The following EIF4A1 variants were observed in gnomAD, a reference collection of about 807,000 sequenced individuals.
EIF4A1 encodes eukaryotic initiation factor 4A-I.
A neutral mutation model predicts 53.5 loss-of-function variants in EIF4A1; 11 were observed. The ratio of observed to expected loss-of-function variants is 0.21; its 90% CI spans 0.13 to 0.34. The LOEUF is 0.34. Ranked by LOEUF, EIF4A1 falls within the 10% of genes least tolerant of loss-of-function variation. The probability of loss-of-function intolerance (pLI) is 1.00; values close to 1 mark genes in which losing one functional copy is unlikely to be tolerated. For missense variants in EIF4A1, 213 were observed against 530.8 expected (o/e 0.40, Z 5.88); for synonymous variants, 237 against 186.7 (o/e 1.27, Z -2.20).
At chr17:7,574,041 A>G (rs1176242739) in intron 1 of EIF4A1, 5 of 578,988 alleles carry the variant, frequency 8.6e-6, no homozygotes, top group Non-Finnish European at 1.5e-5. Context: ...TCACCCCCTT[A>G]TGTCGGGGGT....
intron 4 of EIF4A1, 195 bp from the exon 5 acceptor site, chr17:7,576,329 A>G (rs1263617929): frequency 1.7e-6 from 1 of 582,370 alleles, no homozygotes; most frequent in Non-Finnish European, 2.8e-6. Context: ...CTGAGTTGAA[A>G]TCCTGTCTTT....
intron 4 of EIF4A1, 164 bp downstream of exon 4, chr17:7,575,422 C>T (rs546122718): frequency 1.3e-5 from 14 of 1,058,304 alleles, no homozygotes; most frequent in South Asian, 2.7e-5. Context: ...CTTACCCAAA[C>T]GTAACCATTG....
chr17:7,577,539 C>G lies in EIF4A1; in HGVS notation c.769-30C>G. 5.0e-6 allele frequency: 8 copies of G among 1,612,904 alleles called. No homozygotes were observed. Among genetic ancestry groups the G allele is most frequent in the Non-Finnish European group, 5.9e-6 (7 of 1,179,230 alleles). ...TGGTAGTGAGTTGTTGGGTATAGCC[C>G]CTGACTGATTTTTGTCCCCCAACCT... On this transcript the variant is annotated intron_variant, in intron 7 of 10. Transcript: ENST00000293831. This position sits in a 1 kb window ranked among gnomAD's most constrained non-coding sequence, Gnocchi z 4.7.
chr17:7,573,074 C>T (rs1457892582), intron 1 of EIF4A1, among the ~76,000 whole-genome samples: 2 of 152,126 alleles, frequency 1.3e-5, no homozygotes, highest in Non-Finnish European at 2.9e-5. Context: ...CGGCTAGGGT[C>T]AGGCGTGCGA....
Position 7,575,274 on chromosome 17 carries a change from A to C in EIF4A1, c.345+16A>C. ...GGCTCAGCAGGTAAGAGTGGCTTCT[A>C]TTCCCTCCTTCAGGGCTGATTTAGG... On this transcript the variant is annotated intron_variant, in intron 4 of 10. Coordinates refer to ENST00000293831, the MANE Select transcript of EIF4A1 (RefSeq NM_001416.4). 5 of 1,613,802 alleles carry C rather than the reference A, an allele frequency of 3.1e-6. No homozygotes were observed. The highest frequency in any genetic ancestry group is 4.2e-6 in the Non-Finnish European group (5 of 1,180,026).
chr17:7,578,113 G>C, intron 9 of EIF4A1, 52 bp from the exon 10 acceptor site: 1 of 1,612,612 alleles, frequency 6.2e-7, no homozygotes, highest in South Asian at 1.1e-5. Flanking sequence ...TCTTCCCTCC[G>C]GGATAGAGTG....
intron 9 of EIF4A1, 53 bp from the exon 10 acceptor site, chr17:7,578,112 C>T (rs368401962): frequency 2.3e-4 from 368 of 1,611,586 alleles, no homozygotes; most frequent in Non-Finnish European, 2.9e-4. Flanking sequence ...GTCTTCCCTC[C>T]GGGATAGAGT....
At chr17:7,576,996 A>G (rs1567734893) in intron 5 of EIF4A1, 60 bp from the exon 6 acceptor site, 9 of 1,586,598 alleles carry the variant, frequency 5.7e-6, no homozygotes, top group African/African-American at 2.7e-5. Context: ...GAAGTTGGAT[A>G]TATCTCTCCC....
At chr17:7,572,976 G>C in intron 1 of EIF4A1, 112 bp downstream of exon 1, 1 of 1,592,240 alleles carries the variant, frequency 6.3e-7, no homozygotes, top group Non-Finnish European at 8.6e-7. Context: ...AACCGAACCG[G>C]GTGGGGGGAG....
rs759758160 is a variant in EIF4A1 at position 7,572,856 on chromosome 17, G to A, written c.15G>A (p.Gln5=). The A allele has an allele frequency of 1.5e-5, 25 of 1,614,040 alleles. No homozygotes were observed. Among genetic ancestry groups the A allele is most frequent in the Non-Finnish European group, 2.0e-5 (24 of 1,179,990 alleles). ...TTCTAAGGATCATGTCTGCGAGCCA[G>A]GATTCCCGGTAAGAAAGGCATTTGC... is the stretch of plus-strand genomic sequence containing the variant. MSAS[Q]DSRSRDNGPD... The change falls in exon 1 of 11, where the codon CAG becomes CAA. Residue 5 remains glutamine, a synonymous_variant. Transcript: ENST00000293831.
chr17:7,574,359 G>C (rs749449704), intron 2 of EIF4A1, 51 bp downstream of exon 2: 47 of 1,613,216 alleles, frequency 2.9e-5, no homozygotes, highest in South Asian at 4.4e-5. Flanking sequence ...ACTTTCAGCC[G>C]TATAGAGTTA....
At position 7,575,707 on chromosome 17, in the gene EIF4A1, T is replaced by C. The variant is rs183277415; in HGVS notation, c.345+449T>C. 7.6e-5 allele frequency: 22 copies of C among 289,434 alleles called. No individual in the cohort carries two copies. The East Asian group carries it at 1.3e-3, about 17-fold the overall frequency. 17.9% of individuals were successfully genotyped at this position (289,434 alleles called of 1,614,324 possible). The stretch of plus-strand genomic sequence containing the variant: ...ACTGATGTCAGAGCATGTTTTTAAA[T>C]GTTCTGTGGCAGGGGCAGTGATTAT... On this transcript the variant is annotated intron_variant, in intron 4 of 10. Coordinates refer to ENST00000293831, the MANE Select transcript of EIF4A1 (RefSeq NM_001416.4).
rs754808974 is a variant in EIF4A1 at position 7,577,379 on chromosome 17, G to A, written c.660G>A (p.Val220=). The A allele has an allele frequency of 1.9e-6, 3 of 1,613,964 alleles. No homozygotes were observed. Among genetic ancestry groups the A allele is most frequent in the South Asian group, 2.2e-5 (2 of 91,076 alleles). The change falls in exon 7 of 11, where the codon GTG becomes GTA. Residue 220 remains valine (V), a synonymous_variant. Coordinates refer to ENST00000293831, the MANE Select transcript of EIF4A1 (RefSeq NM_001416.4). The surrounding 1 kb of genome is among the most constrained non-coding windows in gnomAD (Gnocchi z 4.7). ...TGTCAGCCACAATGCCTTCTGATGTGCTTGAGGTGACCAAGAAGTTCATGA... is the reference window on the plus strand; with the variant it reads ...TGTCAGCCACAATGCCTTCTGATGTACTTGAGGTGACCAAGAAGTTCATGA... ...VLLSATMPSD[V]LEVTKKFMRD... is the part of the protein sequence containing the mutation.
chr17:7,575,850 G>C, intron 4 of EIF4A1: 1 of 197,362 alleles, frequency 5.1e-6, no homozygotes, highest in Admixed American at 5.3e-5. Context: ...AGTGCAATAG[G>C]ACATGGATAT....
At chr17:7,573,177 A>C in intron 1 of EIF4A1, 2 of 538,312 alleles carry the variant, frequency 3.7e-6, no homozygotes, top group Non-Finnish European at 6.7e-6. Flanking sequence ...GTGGGAAAGA[A>C]AGGTGGAGGC....
intron 4 of EIF4A1, 50 bp downstream of exon 4, chr17:7,575,308 G>A (rs778865985): frequency 6.2e-7 from 1 of 1,610,748 alleles, no homozygotes; most frequent in South Asian, 1.1e-5. Context: ...GGGATGATGA[G>A]TATAATCCAA....
intron 4 of EIF4A1, 82 bp from the exon 5 acceptor site, chr17:7,576,442 G>A: frequency 1.4e-6 from 2 of 1,475,152 alleles, no homozygotes; most frequent in South Asian, 2.9e-5. Flanking sequence ...TGTTGGTTAG[G>A]AATCAATACA....
At chr17:7,576,451 C>T in intron 4 of EIF4A1, 73 bp from the exon 5 acceptor site, 3 of 1,476,318 alleles carry the variant, frequency 2.0e-6, no homozygotes, top group Non-Finnish European at 2.7e-6. Flanking sequence ...GGAATCAATA[C>T]ATGAAAAACA....
rs745731353 is a variant in EIF4A1 at position 7,577,046 on chromosome 17, T to C, written c.515-10T>C. On this transcript the variant is annotated splice_polypyrimidine_tract_variant and intron_variant, in intron 5 of 10. Coordinates refer to ENST00000293831, the MANE Select transcript of EIF4A1 (RefSeq NM_001416.4). This position sits in a 1 kb window ranked among gnomAD's most constrained non-coding sequence, Gnocchi z 4.7. ...ATATGCTATATATTGGCTTTTTTTT[T>C]CTTCTCTAGCCCCCAAATACATCAA... is the stretch of plus-strand genomic sequence containing the variant. 15 of 1,614,014 alleles carry C rather than the reference T, an allele frequency of 9.3e-6. No individual in the cohort carries two copies. The highest frequency in any genetic ancestry group is 5.0e-5 in the Admixed American group (3 of 60,000).
Sources: gnomAD v4.1 joint callset for allele counts (sites outside exome capture counted in the v4.1 genomes callset) on GRCh38, gnomAD v4.1.1 for gene constraint, Gnocchi (gnomAD v3.1) non-coding constraint, MANE v1.5 for transcripts, NCBI Gene and HGNC (gene_info 2026-07-23, HGNC 2026-07-21) for gene names.